The following CACNA1H variants were observed in gnomAD, a reference collection of about 807,000 sequenced individuals.
The protein encoded by CACNA1H is voltage-dependent T-type calcium channel subunit alpha-1H.
In CACNA1H, 149 loss-of-function variants were observed where a neutral mutation model predicts 192.5. The observed-to-expected ratio is 0.77, with a 90% CI of 0.68 to 0.89. The LOEUF is 0.89. Ranked by LOEUF, CACNA1H falls within the 40% of genes least tolerant of loss-of-function variation. CACNA1H has a pLI of 0.00. For synonymous variants in CACNA1H, 2,202 were observed against 1,475.2 expected, an observed-to-expected ratio of 1.49 and a Z score of -11.29; for missense variants, 4,257 against 3,423.5, an observed-to-expected ratio of 1.24 and a Z score of -6.08.
At chr16:1,163,195 G>A (rs754659668) in intron 2 of CACNA1H, among the ~76,000 whole-genome samples, 1 of 152,238 alleles carries the variant, frequency 6.6e-6, no homozygotes, top group African/African-American at 2.4e-5. Flanking sequence ...CCCCCAGCTC[G>A]GCCATGGACC....
chr16:1,181,979 T>C (rs1965523834), intron 2 of CACNA1H, among the ~76,000 whole-genome samples: 1 of 152,032 alleles, frequency 6.6e-6, no homozygotes, highest in African/African-American at 2.4e-5. Flanking sequence ...CGCACACGCA[T>C]GCACACAGGC....
intron 2 of CACNA1H, among the ~76,000 whole-genome samples, chr16:1,173,878 G>A (rs1169805002): frequency 2.6e-5 from 4 of 152,146 alleles, no homozygotes; most frequent in African/African-American, 7.2e-5. Flanking sequence ...CTCACGTCAC[G>A]TGGGGCTGTG....
At chr16:1,154,159 G>A (rs1961969968) in intron 2 of CACNA1H, 123 bp downstream of exon 2, 3 of 654,042 alleles carry the variant, frequency 4.6e-6, no homozygotes, top group East Asian at 7.5e-5. Flanking sequence ...GGCGTGGGCC[G>A]GGCGCGCGGG....
Position 1,207,036 on chromosome 16 carries a change from G to C in CACNA1H, c.2825G>C (p.Ser942Thr), listed in dbSNP as rs1012165881. ...LGMHLFGCKFSLKTDTGDTVP... is the reference protein window; with the variant it reads ...LGMHLFGCKFTLKTDTGDTVP... The stretch of plus-strand genomic sequence containing the variant: ...ATGCACCTTTTCGGCTGCAAGTTCA[G>C]CCTGAAGACAGACACCGGAGACACC... The change falls in exon 13 of 35, where the codon AGC becomes ACC. Residue 942 changes from serine (S) to threonine (T), a missense_variant. Transcript: ENST00000348261. 3.1e-6 allele frequency: 5 copies of C among 1,600,050 alleles called. No individual in the cohort carries two copies. Among genetic ancestry groups the C allele is most frequent in the African/African-American group, 1.3e-5 (1 of 74,474 alleles).
At chr16:1,163,134 C>T (rs1475353564) in intron 2 of CACNA1H, among the ~76,000 whole-genome samples, 1 of 152,188 alleles carries the variant, frequency 6.6e-6, no homozygotes, top group East Asian at 1.9e-4. Context: ...TAGGTGTGGG[C>T]CAGTCTGCCC....
chr16:1,214,812 G>A (rs1408125437), intron 27 of CACNA1H, among the ~76,000 whole-genome samples, 160 bp from the exon 28 acceptor site: 2 of 152,180 alleles, frequency 1.3e-5, no homozygotes, highest in South Asian at 4.1e-4. Context: ...TGGGCTGGAG[G>A]AGGGCCGAAG....
At chr16:1,207,623 A>ACCG in intron 14 of CACNA1H, 147 bp from the exon 15 acceptor site, 1 of 908,060 alleles carries the variant, frequency 1.1e-6, no homozygotes, top group Non-Finnish European at 1.7e-6. Flanking sequence ...CAGATTCCTC[A>ACCG]CCTACCTGCC....
At chr16:1,171,677 C>T (rs886987585) in intron 2 of CACNA1H, among the ~76,000 whole-genome samples, 1 of 152,208 alleles carries the variant, frequency 6.6e-6, no homozygotes, top group African/African-American at 2.4e-5. Flanking sequence ...GTCCTTCCCG[C>T]CTCCTGGGCC....
At chr16:1,158,399 G>A (rs894638085) in intron 2 of CACNA1H, among the ~76,000 whole-genome samples, 1 of 152,130 alleles carries the variant, frequency 6.6e-6, no homozygotes, top group Non-Finnish European at 1.5e-5. Flanking sequence ...AGCGCCTGGG[G>A]GCAGCTCATC....
intron 5 of CACNA1H, among the ~76,000 whole-genome samples, chr16:1,196,911 A>C (rs1472865587): frequency 6.6e-6 from 1 of 152,088 alleles, no homozygotes; most frequent in East Asian, 1.9e-4. Context: ...ACCAGGCGCG[A>C]GTGCATACTG....
intron 2 of CACNA1H, among the ~76,000 whole-genome samples, chr16:1,168,593 A>G (rs1218597470): frequency 6.6e-6 from 1 of 151,870 alleles, no homozygotes; most frequent in African/African-American, 2.4e-5. Flanking sequence ...GGGGAGGTTG[A>G]TGATCCAGTG....
In CACNA1H at chr16:1,219,071, G is replaced by T. The variant is rs376628149; in HGVS notation, c.5989G>T (p.Ala1997Ser). Residue 1997 changes from alanine to serine, a missense_variant, in exon 34 of 35, where the codon GCC (alanine) becomes TCC (serine). Transcript: ENST00000348261. ...SPARSGEPLHALSPRGTARSP... is the reference protein window; with the variant it reads ...SPARSGEPLHSLSPRGTARSP... Reference sequence around the variant, plus strand: ...AGCCAGGAGCGGCGAGCCCCTCCACGCCCTGTCCCCTCGGGGCACAGCCCG... The same window carrying T: ...AGCCAGGAGCGGCGAGCCCCTCCACTCCCTGTCCCCTCGGGGCACAGCCCG... 2 of 1,549,756 alleles carry T rather than the reference G, an allele frequency of 1.3e-6. No homozygotes were observed.
intron 26 of CACNA1H, among the ~76,000 whole-genome samples, chr16:1,212,955 G>A (rs968908615): frequency 1.3e-5 from 2 of 152,238 alleles, no homozygotes; most frequent in Admixed American, 6.5e-5. Flanking sequence ...CCAGGCCCTG[G>A]GCCAGCAGTC....
intron 2 of CACNA1H, among the ~76,000 whole-genome samples, chr16:1,166,606 C>CA (rs957017848): frequency 1.3e-5 from 2 of 152,166 alleles, no homozygotes; most frequent in African/African-American, 4.8e-5. Flanking sequence ...GGAAACCCTG[C>CA]AGTCAGCTGT....
chr16:1,166,884 C>T (rs1212161658), intron 2 of CACNA1H, among the ~76,000 whole-genome samples: 1 of 152,220 alleles, frequency 6.6e-6, no homozygotes, highest in African/African-American at 2.4e-5. Context: ...GCCGGGCCGT[C>T]CCTGCTCCAG....
At chr16:1,189,559 A>C (rs571687760) in intron 2 of CACNA1H, among the ~76,000 whole-genome samples, 4 of 149,390 alleles carry the variant, frequency 2.7e-5, no homozygotes, top group African/African-American at 9.8e-5. Flanking sequence ...CTGCCACCGC[A>C]CCCCAAAATT....
intron 6 of CACNA1H, among the ~76,000 whole-genome samples, chr16:1,199,749 G>T (rs186851724): frequency 6.8e-6 from 1 of 147,610 alleles, no homozygotes; most frequent in African/African-American, 2.5e-5. Context: ...CCCACACCCC[G>T]GGGTTCCCTG....
chr16:1,210,223 T>G (rs1376580963), intron 18 of CACNA1H, 88 bp downstream of exon 18: 10 of 1,285,790 alleles, frequency 7.8e-6, no homozygotes, highest in Non-Finnish European at 1.1e-5. Flanking sequence ...GGCTAGCACA[T>G]GGTGGATATT....
chr16:1,199,033 C>T (rs1265775756), intron 6 of CACNA1H: 4 of 457,268 alleles, frequency 8.7e-6, no homozygotes, highest in Admixed American at 3.6e-5. Flanking sequence ...CCCCACCCCC[C>T]ACCATGGCTC....
Sources: gnomAD v4.1 joint callset for allele counts (sites outside exome capture counted in the v4.1 genomes callset) on GRCh38, gnomAD v4.1.1 for gene constraint, MANE v1.5 for transcripts, NCBI Gene and HGNC (gene_info 2026-07-23, HGNC 2026-07-21) for gene names.